Variants in NEGR1 observed in about 807,000 individuals in gnomAD.
NEGR1 encodes the protein IgLON family member 4.
In NEGR1, 10 loss-of-function variants were observed where a neutral mutation model predicts 40.9. That is an observed-to-expected ratio of 0.24 (90% CI 0.15 to 0.42). NEGR1 has a LOEUF of 0.42. Among genes scored for constraint, NEGR1 ranks in the 10% least tolerant of loss-of-function variants. The pLI, the probability that NEGR1 is intolerant of heterozygous loss-of-function variation, is 1.00. For synonymous variants in NEGR1, 185 were observed against 166.8 expected (o/e 1.11, Z -0.84); for missense variants, 352 against 438.9 (o/e 0.80, Z 1.77).
At chr1:72,103,238 A>G (rs934158796) in intron 1 of NEGR1, among the ~76,000 whole-genome samples, 10 of 152,102 alleles carry the variant, frequency 6.6e-5, no homozygotes, top group Non-Finnish European at 1.5e-4. Flanking sequence ...CTTATATGGT[A>G]CTATGCTCCA....
At chr1:71,653,346 T>C in intron 4 of NEGR1, among the ~76,000 whole-genome samples, 2 of 152,344 alleles carry the variant, frequency 1.3e-5, no homozygotes, top group South Asian at 2.1e-4. Flanking sequence ...AATAGCCTAA[T>C]ATTCATGTGC....
intron 4 of NEGR1, among the ~76,000 whole-genome samples, chr1:71,696,619 T>C (rs1206038197): frequency 1.3e-5 from 2 of 151,842 alleles, no homozygotes; most frequent in Non-Finnish European, 2.9e-5. Context: ...CAGAAAAGCA[T>C]GGCTAGTGAT....
At chr1:71,497,045 C>T (rs1003897416) in intron 6 of NEGR1, among the ~76,000 whole-genome samples, 1 of 151,976 alleles carries the variant, frequency 6.6e-6, no homozygotes, top group Non-Finnish European at 1.5e-5. Context: ...GTGGTGTGTC[C>T]GATTTCCATA....
intron 6 of NEGR1, among the ~76,000 whole-genome samples, chr1:71,423,180 G>A (rs1309126762): frequency 6.6e-6 from 1 of 152,098 alleles, no homozygotes; most frequent in Admixed American, 6.6e-5. Flanking sequence ...TAGAGGCCAG[G>A]AGTTCGAGAT....
chr1:72,230,606 G>T (rs1415198046), intron 1 of NEGR1, among the ~76,000 whole-genome samples: 1 of 152,072 alleles, frequency 6.6e-6, no homozygotes, highest in Non-Finnish European at 1.5e-5. Context: ...CACTTAGCCA[G>T]CAACTTTCCA....
chr1:72,207,116 T>G (rs1247062366), intron 1 of NEGR1, among the ~76,000 whole-genome samples: 1 of 147,164 alleles, frequency 6.8e-6, no homozygotes, highest in Admixed American at 6.8e-5. Context: ...TATTCTGATA[T>G]AACAGGCTAC....
intron 4 of NEGR1, among the ~76,000 whole-genome samples, chr1:71,636,254 A>T (rs1651145066): frequency 1.3e-5 from 2 of 152,122 alleles, no homozygotes; most frequent in Non-Finnish European, 2.9e-5. Context: ...TATCCAAGAG[A>T]TGTGAAGAAA....
chr1:72,277,807 A>G (rs1035003667), intron 1 of NEGR1, among the ~76,000 whole-genome samples: 1 of 152,152 alleles, frequency 6.6e-6, no homozygotes, highest in African/African-American at 2.4e-5. Context: ...TGAACTGTGT[A>G]TTTGGAAGGT....
intron 2 of NEGR1, among the ~76,000 whole-genome samples, chr1:71,836,623 A>G (rs1659042391): frequency 6.6e-6 from 1 of 151,932 alleles, no homozygotes; most frequent in South Asian, 2.1e-4. Flanking sequence ...CGGCGATTTC[A>G]GTTTTAAAAC....
At chr1:71,447,685 G>A (rs1475209116) in intron 6 of NEGR1, among the ~76,000 whole-genome samples, 6 of 152,102 alleles carry the variant, frequency 3.9e-5, no homozygotes, top group East Asian at 1.9e-4. Flanking sequence ...GTGTTTGAAC[G>A]TAACTTGAAT....
At chr1:71,783,545 T>C (rs1656795027) in intron 2 of NEGR1, among the ~76,000 whole-genome samples, 1 of 152,104 alleles carries the variant, frequency 6.6e-6, no homozygotes, top group African/African-American at 2.4e-5. Flanking sequence ...CACTCAGAGA[T>C]AGTGATAACA....
At chr1:72,058,338 A>G (rs1047216130) in intron 1 of NEGR1, among the ~76,000 whole-genome samples, 2 of 151,610 alleles carry the variant, frequency 1.3e-5, no homozygotes, top group African/African-American at 4.8e-5. Context: ...AATAATCTCT[A>G]ATATTAGAAC....
chr1:71,714,644 C>A (rs1236446423), intron 3 of NEGR1, among the ~76,000 whole-genome samples: 4 of 152,136 alleles, frequency 2.6e-5, no homozygotes, highest in Non-Finnish European at 4.4e-5. Flanking sequence ...AGTCTGAAAT[C>A]CAATAGGGCA....
chr1:71,846,157 C>A (rs928746752), intron 2 of NEGR1, among the ~76,000 whole-genome samples: 126 of 152,098 alleles, frequency 8.3e-4, no homozygotes, highest in African/African-American at 2.9e-3. Flanking sequence ...TATTCTCTTC[C>A]TTACTCTAGG....
chr1:72,055,027 T>G (rs533698307), intron 1 of NEGR1, among the ~76,000 whole-genome samples: 1 of 151,194 alleles, frequency 6.6e-6, no homozygotes, highest in South Asian at 2.1e-4. Flanking sequence ...CTTCAAAGCT[T>G]TTTCCAAATA....
chr1:71,606,290 T>C (rs575187028), intron 5 of NEGR1, among the ~76,000 whole-genome samples: 1 of 152,274 alleles, frequency 6.6e-6, no homozygotes, highest in African/African-American at 2.4e-5. Flanking sequence ...CATCTGCCAA[T>C]AACTAGCACT....
intron 1 of NEGR1, among the ~76,000 whole-genome samples, chr1:72,218,097 T>A (rs1006346573): frequency 6.6e-6 from 1 of 151,628 alleles, no homozygotes; most frequent in African/African-American, 2.4e-5. Flanking sequence ...ATGTTTCCTT[T>A]AAAATTTTTC....
At chr1:71,564,082 C>T (rs1006709753) in intron 6 of NEGR1, among the ~76,000 whole-genome samples, 3 of 152,002 alleles carry the variant, frequency 2.0e-5, no homozygotes, top group Non-Finnish European at 2.9e-5. Flanking sequence ...ATCCATGCAA[C>T]GCAAAGCTTT....
chr1:72,264,013 C>A (rs1482105512), intron 1 of NEGR1, among the ~76,000 whole-genome samples: 1 of 151,216 alleles, frequency 6.6e-6, no homozygotes, highest in African/African-American at 2.4e-5. Flanking sequence ...ACGGTGTTCT[C>A]TGGAAATTAG....
Sources: allele counts gnomAD v4.1 joint callset (sites outside exome capture counted in the v4.1 genomes callset), GRCh38; gene constraint gnomAD v4.1.1; transcripts MANE v1.5; gene names NCBI Gene and HGNC (gene_info 2026-07-23, HGNC 2026-07-21).